Variants in NAV3 observed in about 807,000 individuals in gnomAD.
The protein encoded by NAV3 is pore membrane and/or filament interacting like protein 1.
Under a neutral mutation model 244.7 loss-of-function variants are expected in NAV3, and 87 were observed. That is an observed-to-expected ratio of 0.36 (90% CI 0.30 to 0.42). The LOEUF (loss-of-function observed/expected upper bound fraction) is 0.42, where lower values mean the gene tolerates loss of function less well. Among genes scored for constraint, NAV3 ranks in the 20% least tolerant of loss-of-function variants. The pLI, the probability that NAV3 is intolerant of heterozygous loss-of-function variation, is 1.00. For synonymous variants in NAV3, 1,126 were observed against 1,042.2 expected (o/e 1.08, Z -1.55); for missense variants, 2,663 against 2,893.3 (o/e 0.92, Z 1.83).
intron 2 of NAV3, among the ~76,000 whole-genome samples, chr12:77,787,701 T>C (rs556756533): frequency 1.3e-5 from 2 of 152,340 alleles, no homozygotes; most frequent in South Asian, 4.1e-4. Flanking sequence ...TTATGGGAAC[T>C]ACAATTCAAC....
chr12:77,946,723 T>C (rs535471013), intron 3 of NAV3, among the ~76,000 whole-genome samples: 1 of 152,216 alleles, frequency 6.6e-6, no homozygotes, highest in African/African-American at 2.4e-5. Context: ...ATGTCCCAAA[T>C]GCCCAGCAAA....
At chr12:77,753,614 G>C (rs1868975178) in intron 2 of NAV3, among the ~76,000 whole-genome samples, 1 of 152,106 alleles carries the variant, frequency 6.6e-6, no homozygotes, top group South Asian at 2.1e-4. Context: ...TTAAAAATGA[G>C]GTGTTTTATT....
intron 2 of NAV3, among the ~76,000 whole-genome samples, chr12:77,610,607 T>A (rs1029067151): frequency 2.0e-5 from 3 of 152,070 alleles, no homozygotes; most frequent in African/African-American, 7.2e-5. Context: ...GAGCTGTAAT[T>A]CTGTGGTTAA....
At chr12:77,722,603 A>G (rs750496173) in intron 2 of NAV3, among the ~76,000 whole-genome samples, 7 of 152,088 alleles carry the variant, frequency 4.6e-5, no homozygotes, top group Non-Finnish European at 7.4e-5. Flanking sequence ...ATTCTTCTAC[A>G]GTCTGGGAGA....
At chr12:78,070,715 A>T (rs571311119) in intron 12 of NAV3, among the ~76,000 whole-genome samples, 1 of 91,236 alleles carries the variant, frequency 1.1e-5, no homozygotes. Flanking sequence ...CCCCCACCCC[A>T]CAACAGTCCC....
chr12:77,680,980 G>A (rs920801004), intron 2 of NAV3, among the ~76,000 whole-genome samples: 1 of 152,088 alleles, frequency 6.6e-6, no homozygotes, highest in South Asian at 2.1e-4. Context: ...GATTTTGGGG[G>A]GAGGGGCGGA....
intron 2 of NAV3, among the ~76,000 whole-genome samples, chr12:77,592,782 T>G (rs1869970053): frequency 6.6e-6 from 1 of 152,230 alleles, no homozygotes; most frequent in Non-Finnish European, 1.5e-5. Flanking sequence ...GTTGTCTGTA[T>G]ATTGGGCATT....
chr12:77,658,598 GA>G (rs951450218), intron 2 of NAV3, among the ~76,000 whole-genome samples: 34 of 152,074 alleles, frequency 2.2e-4, no homozygotes, highest in Non-Finnish European at 4.3e-4. Flanking sequence ...CACAGAATTG[GA>G]AAAAACTACT....
At chr12:77,922,384 T>C (rs918539713) in intron 1 of NAV3, among the ~76,000 whole-genome samples, 1 of 152,142 alleles carries the variant, frequency 6.6e-6, no homozygotes, top group African/African-American at 2.4e-5. Flanking sequence ...TGTGAATGTT[T>C]TGGTTTTTGA....
intron 2 of NAV3, among the ~76,000 whole-genome samples, chr12:77,707,901 A>G (rs953409904): frequency 6.6e-6 from 1 of 151,816 alleles, no homozygotes; most frequent in Non-Finnish European, 1.5e-5. Flanking sequence ...TCACTTTTTG[A>G]TGGAGTTGTT....
intron 7 of NAV3, among the ~76,000 whole-genome samples, chr12:78,004,328 T>C (rs1442193461): frequency 1.3e-5 from 2 of 151,994 alleles, no homozygotes; most frequent in Admixed American, 1.3e-4. Flanking sequence ...CAATGGTGAG[T>C]GTAGGTGAGG....
chr12:77,998,162 T>A (rs1348493469), intron 6 of NAV3, among the ~76,000 whole-genome samples, 175 bp from the exon 7 acceptor site: 1 of 152,216 alleles, frequency 6.6e-6, no homozygotes, highest in Admixed American at 6.5e-5. Flanking sequence ...GAAACAAGAT[T>A]TTTCTGAAGA....
At chr12:77,858,901 A>C (rs553601507) in intron 1 of NAV3, among the ~76,000 whole-genome samples, 1 of 152,226 alleles carries the variant, frequency 6.6e-6, no homozygotes. Context: ...AAGTTGCCTT[A>C]AATAATTCTG....
chr12:77,685,047 A>G (rs180866606), intron 2 of NAV3, among the ~76,000 whole-genome samples: 46 of 152,280 alleles, frequency 3.0e-4, no homozygotes, highest in African/African-American at 9.4e-4. Flanking sequence ...TGTTTATACT[A>G]TATCTTAATG....
intron 2 of NAV3, among the ~76,000 whole-genome samples, chr12:77,723,525 T>C (rs969512148): frequency 3.3e-5 from 5 of 151,952 alleles, no homozygotes; most frequent in African/African-American, 9.6e-5. Flanking sequence ...ATAAATAGGA[T>C]CTCTGCCCAG....
intron 1 of NAV3, among the ~76,000 whole-genome samples, chr12:77,871,757 T>C (rs940453288): frequency 1.1e-4 from 17 of 152,202 alleles, no homozygotes; most frequent in African/African-American, 4.1e-4. Flanking sequence ...TACATGTGCA[T>C]GTGTCTTTAT....
intron 12 of NAV3, among the ~76,000 whole-genome samples, chr12:78,106,642 C>G (rs148583755): frequency 2.6e-5 from 4 of 152,336 alleles, no homozygotes; most frequent in African/African-American, 9.6e-5. Flanking sequence ...GGTTACTTCA[C>G]TACTGCCTCT....
chr12:77,708,117 A>C (rs1250230645), intron 2 of NAV3, among the ~76,000 whole-genome samples: 2 of 152,182 alleles, frequency 1.3e-5, no homozygotes, highest in Non-Finnish European at 2.9e-5. Context: ...GGTGTTTCAG[A>C]CATGAAGTCC....
chr12:78,059,269 T>TTTTG (rs986815981), intron 12 of NAV3, among the ~76,000 whole-genome samples, 154 bp downstream of exon 12: 9 of 152,196 alleles, frequency 5.9e-5, no homozygotes, highest in African/African-American at 9.6e-5. Flanking sequence ...TTTAGGGTTT[T>TTTTG]TTTGTTTGTT....
Sources: gnomAD v4.1 joint callset for allele counts (sites outside exome capture counted in the v4.1 genomes callset) on GRCh38, gnomAD v4.1.1 for gene constraint, MANE v1.5 for transcripts, NCBI Gene and HGNC (gene_info 2026-07-23, HGNC 2026-07-21) for gene names.